The following ALK variants were observed in gnomAD, a reference collection of about 807,000 sequenced individuals.
The protein encoded by ALK is ALK tyrosine kinase receptor.
ALK carries 74 observed loss-of-function variants against 163.1 expected under a neutral mutation model. The observed-to-expected ratio is 0.45, with a 90% CI of 0.38 to 0.55. The LOEUF (loss-of-function observed/expected upper bound fraction) is 0.55. Ranked by LOEUF, ALK falls within the 20% of genes least tolerant of loss-of-function variation. ALK has a pLI of 0.00. For missense variants in ALK, 2,063 were observed against 2,105.3 expected (o/e 0.98, Z 0.39); for synonymous variants, 960 against 843.2 (o/e 1.14, Z -2.40).
intron 4 of ALK, among the ~76,000 whole-genome samples, chr2:29,432,791 G>A (rs898630643): frequency 6.7e-6 from 1 of 149,962 alleles, no homozygotes; most frequent in East Asian, 2.0e-4. Context: ...TTGATCTGGA[G>A]TGATTCATCT....
intron 4 of ALK, among the ~76,000 whole-genome samples, chr2:29,512,248 A>G (rs1220703803): frequency 1.3e-5 from 2 of 151,984 alleles, no homozygotes; most frequent in African/African-American, 2.4e-5. Context: ...AAAATCCTCA[A>G]TAAAATACTG....
Position 29,796,645 on chromosome 2 carries a change from G to A in ALK, c.668-78948C>T, listed in dbSNP as rs563453542. Among the ~76,000 whole-genome samples, 16 of 152,286 alleles carry A rather than the reference G, an allele frequency of 1.1e-4. No individual in the cohort carries two copies. The East Asian group carries it at 2.3e-3, about 22-fold the overall frequency. On this transcript the variant is annotated intron_variant, in intron 1 of 28. Coordinates refer to ENST00000389048, the MANE Select transcript of ALK (RefSeq NM_004304.5). ...TGGCCCTGTCTGCTTCAACCCAGCA[G>A]AGACTACGAATAACTTTGGAGTTGT... is the stretch of plus-strand genomic sequence containing the variant.
intron 1 of ALK, among the ~76,000 whole-genome samples, chr2:29,853,204 A>C (rs926767494): frequency 2.0e-5 from 3 of 152,064 alleles, no homozygotes; most frequent in African/African-American, 7.2e-5. Flanking sequence ...TTTTATTTTT[A>C]TCTCTCCACT....
At chr2:29,707,425 G>A (rs531811530) in intron 2 of ALK, among the ~76,000 whole-genome samples, 1 of 152,230 alleles carries the variant, frequency 6.6e-6, no homozygotes, top group East Asian at 1.9e-4. Flanking sequence ...AACTCTAAGA[G>A]GCCTCAGGGA....
rs569855506 is a variant in ALK at position 29,463,377 on chromosome 2, T to C, written c.1154+68538A>G. ...TATGGTATGTTTCATACTGAAAATA[T>C]GTTTTAATATGAAAGTCTGTTCTTT... is the stretch of plus-strand genomic sequence containing the variant. On this transcript the variant is annotated intron_variant, in intron 4 of 28. Transcript: ENST00000389048. Among the ~76,000 whole-genome samples, 27 of 152,310 alleles carry C rather than the reference T, an allele frequency of 1.8e-4. No homozygotes were observed. The East Asian group carries it at 4.2e-3, about 24-fold the overall frequency.
intron 4 of ALK, among the ~76,000 whole-genome samples, chr2:29,397,981 G>A (rs1189803502): frequency 6.6e-6 from 1 of 152,228 alleles, no homozygotes; most frequent in Non-Finnish European, 1.5e-5. Flanking sequence ...CCCTGAGATT[G>A]TGCCAACGAT....
chr2:29,628,907 G>A (rs769378306), intron 3 of ALK, among the ~76,000 whole-genome samples: 2 of 152,144 alleles, frequency 1.3e-5, no homozygotes, highest in African/African-American at 2.4e-5. Context: ...AGAAAATGGA[G>A]CACACTCAAA....
intron 4 of ALK, among the ~76,000 whole-genome samples, chr2:29,395,700 C>G (rs899690025): frequency 4.3e-4 from 65 of 152,210 alleles, no homozygotes; most frequent in African/African-American, 1.5e-3. Context: ...CTCTGAACTA[C>G]CTTGTTGGAT....
chr2:29,735,558 C>G (rs1292043380), intron 1 of ALK, among the ~76,000 whole-genome samples: 1 of 152,002 alleles, frequency 6.6e-6, no homozygotes, highest in Non-Finnish European at 1.5e-5. Flanking sequence ...CTCACCTATT[C>G]TTTATTGACA....
intron 15 of ALK, among the ~76,000 whole-genome samples, chr2:29,229,611 C>T (rs576115908): frequency 6.6e-6 from 1 of 152,254 alleles, no homozygotes; most frequent in African/African-American, 2.4e-5. Context: ...GGAAGAACGC[C>T]CCATTCTGAG....
intron 1 of ALK, among the ~76,000 whole-genome samples, chr2:29,777,883 T>A (rs1681220249): frequency 6.6e-6 from 1 of 152,182 alleles, no homozygotes; most frequent in African/African-American, 2.4e-5. Context: ...AGCCAGAAGT[T>A]CCCAGATCAA....
At chr2:29,380,074 A>G (rs940542784) in intron 5 of ALK, among the ~76,000 whole-genome samples, 7 of 151,418 alleles carry the variant, frequency 4.6e-5, no homozygotes, top group African/African-American at 1.5e-4. Flanking sequence ...CTAAAGCAGG[A>G]GGAAAAGAGC....
At chr2:29,385,597 C>A (rs1669013814) in intron 4 of ALK, among the ~76,000 whole-genome samples, 1 of 152,060 alleles carries the variant, frequency 6.6e-6, no homozygotes, top group African/African-American at 2.4e-5. Context: ...CACTGTCTTA[C>A]CCAGGCTGGT....
At position 29,789,911 on chromosome 2, in the gene ALK, T is replaced by A. The variant is rs139082531; in HGVS notation, c.668-72214A>T. ...CTCCAGGCCTCAGTTTCCTGTTTATTTGTTGAGGATGTCAGACCAGGTAAT... is the reference window on the plus strand; with the variant it reads ...CTCCAGGCCTCAGTTTCCTGTTTATATGTTGAGGATGTCAGACCAGGTAAT... On this transcript the variant is annotated intron_variant, in intron 1 of 28. Transcript: ENST00000389048. 9.5e-3 allele frequency among the ~76,000 whole-genome samples: 1,445 copies of A among 152,322 alleles called. 14 individuals are homozygous for A. Among genetic ancestry groups the A allele is most frequent in the Admixed American group, 0.016 (250 of 15,302 alleles).
At chr2:29,764,580 A>G (rs1163272826) in intron 1 of ALK, among the ~76,000 whole-genome samples, 1 of 152,168 alleles carries the variant, frequency 6.6e-6, no homozygotes, top group Non-Finnish European at 1.5e-5. Flanking sequence ...GTCACTACAT[A>G]TATGAAAATA....
At chr2:29,536,259 G>A in intron 3 of ALK, among the ~76,000 whole-genome samples, 1 of 151,820 alleles carries the variant, frequency 6.6e-6, no homozygotes, top group Admixed American at 6.6e-5. Flanking sequence ...GGATCATGGG[G>A]GCAGATCCCT....
chr2:29,776,924 C>T (rs2339475), intron 1 of ALK, among the ~76,000 whole-genome samples: 86,649 of 152,132 alleles, frequency 0.57, 29,794 homozygotes, highest in Non-Finnish European at 0.77. Context: ...CCCAGGTGAA[C>T]CAGGACTACT....
intron 1 of ALK, among the ~76,000 whole-genome samples, chr2:29,911,944 T>C (rs541656061): frequency 3.3e-5 from 5 of 152,260 alleles, no homozygotes; most frequent in African/African-American, 1.2e-4. Flanking sequence ...ACAGAAGTCA[T>C]TGTCAAATAT....
chr2:29,293,861 G>C (rs1666105592), intron 9 of ALK, among the ~76,000 whole-genome samples: 1 of 32,742 alleles, frequency 3.1e-5, no homozygotes, highest in Admixed American at 3.4e-4. Flanking sequence ...CCGTTGACTA[G>C]AGCCTGGAGT....
Sources: gnomAD v4.1 joint callset for allele counts (sites outside exome capture counted in the v4.1 genomes callset) on GRCh38, gnomAD v4.1.1 for gene constraint, MANE v1.5 for transcripts, NCBI Gene and HGNC (gene_info 2026-07-23, HGNC 2026-07-21) for gene names.